HUWE1: variants seen among roughly 807,000 people sequenced by gnomAD.
HUWE1 encodes the protein E3 ubiquitin-protein ligase HUWE1.
HUWE1 carries 18 observed loss-of-function variants against 299.4 expected under a neutral mutation model. That is an observed-to-expected ratio of 0.06 (90% confidence interval 0.04 to 0.09). The LOEUF (loss-of-function observed/expected upper bound fraction) is 0.09, where lower values mean the gene tolerates loss of function less well. Ranked by LOEUF, HUWE1 falls within the 10% of genes least tolerant of loss-of-function variation. HUWE1 has a pLI of 1.00. For missense variants in HUWE1, 1,832 were observed against 3,462.3 expected, an observed-to-expected ratio of 0.53 and a Z score of 11.82; for synonymous variants, 1,317 against 1,286.1, an observed-to-expected ratio of 1.02 and a Z score of -0.51.
At chrX:53,566,098 T>G (rs1268848047) in intron 49 of HUWE1, among the ~76,000 whole-genome samples, 1 of 44,383 alleles carries the variant, frequency 2.3e-5, no homozygotes, top group African/African-American at 7.5e-5. Flanking sequence ...AGTCTATGTA[T>G]GTATGTATGT....
intron 77 of HUWE1, among the ~76,000 whole-genome samples, chrX:53,537,955 T>C (rs1556914618): frequency 9.0e-6 from 1 of 111,533 alleles, no homozygotes; most frequent in East Asian, 2.8e-4. Context: ...GGTAAGCATG[T>C]ATACATGCAC....
Position 53,538,969 on chromosome X carries a change from G to A in HUWE1, c.11744C>T (p.Pro3915Leu), listed in dbSNP as rs1556915940. The A allele has an allele frequency of 8.3e-7, 1 of 1,208,442 alleles. No homozygotes were observed. Residue 3915 changes from proline (P) to leucine (L), a missense_variant, in exon 76 of 84, where the codon CCT becomes CTT. Pro to Leu is a moderately conservative substitution (Grantham distance 98, BLOSUM62 -3). Around this residue, in one of 15 missense-constraint regions of HUWE1, gnomAD observed 129 missense variants for 439.4 expected, o/e 0.29. Coordinates refer to ENST00000262854, the MANE Select transcript of HUWE1 (RefSeq NM_031407.7). Reference sequence around the variant, plus strand: ...TAAGGGGGCAGGGGAGAGTGGAGGAGGCTCGTCCTTGATGTGTGCCAGCTG... The same window carrying A: ...TAAGGGGGCAGGGGAGAGTGGAGGAAGCTCGTCCTTGATGTGTGCCAGCTG... ...ESQLAHIKDE[P>L]PPLSPAPLTP...
intron 74 of HUWE1, among the ~76,000 whole-genome samples, chrX:53,542,186 A>C (rs782120946): frequency 9.9e-5 from 11 of 111,668 alleles, no homozygotes; most frequent in East Asian, 8.4e-4. Context: ...TCTCAAAAAC[A>C]ACCACCACAA....
Position 53,665,907 on chromosome X carries a change from G to A in HUWE1, c.-24-11776C>T, listed in dbSNP as rs1368621297. Among the ~76,000 whole-genome samples, 4 of 111,260 alleles carry A rather than the reference G, an allele frequency of 3.6e-5. No individual in the cohort carries two copies. In the South Asian group the frequency reaches 1.5e-3, roughly 43 times the overall value. On this transcript the variant is annotated intron_variant, in intron 3 of 83. Coordinates refer to ENST00000262854, the MANE Select transcript of HUWE1 (RefSeq NM_031407.7). ...AGCACTTTGGAAGCCTGAGGTGGGA[G>A]GATAAGCCTGAGGTGGGAGGATCAC...
chrX:53,599,692 A>G (rs181470445), intron 29 of HUWE1, among the ~76,000 whole-genome samples: 1 of 112,490 alleles, frequency 8.9e-6, no homozygotes, highest in African/African-American at 3.2e-5. Flanking sequence ...CCGAGAATCA[A>G]GATAGCTTAA....
intron 3 of HUWE1, among the ~76,000 whole-genome samples, chrX:53,669,889 A>T (rs1368268421): frequency 8.9e-6 from 1 of 112,462 alleles, no homozygotes; most frequent in Non-Finnish European, 1.9e-5. Context: ...ATACTTAACT[A>T]TAATGCTAAA....
chrX:53,533,242 T>C lies in HUWE1; in HGVS notation c.*67A>G. 1 of 694,802 alleles carries C rather than the reference T, an allele frequency of 1.4e-6. No individual in the cohort carries two copies. Among genetic ancestry groups the C allele is most frequent in the South Asian group, 2.4e-5 (1 of 42,413 alleles). The allele number at this position is 694,802 out of a possible 1,213,427, so 57.3% of individuals were successfully genotyped here. On this transcript the variant is annotated 3_prime_UTR_variant, in exon 84 of 84. Coordinates refer to ENST00000262854, the MANE Select transcript of HUWE1 (RefSeq NM_031407.7). The stretch of plus-strand genomic sequence containing the variant: ...TTTGACAATTTCTTTCTGGTTCTTT[T>C]TTTAACTCCCCCCTCCCCAGGTCCA...
chrX:53,652,048 G>A (rs2068507326), intron 4 of HUWE1, among the ~76,000 whole-genome samples: 1 of 111,819 alleles, frequency 8.9e-6, no homozygotes, highest in Non-Finnish European at 1.9e-5. Context: ...TTATCCAGAT[G>A]TCTATTTACA....
At chrX:53,579,033 G>A (rs1341053238) in intron 43 of HUWE1, among the ~76,000 whole-genome samples, 1 of 77,691 alleles carries the variant, frequency 1.3e-5, no homozygotes, top group Non-Finnish European at 2.5e-5. Context: ...GGGAGGCGGG[G>A]GGGGGGGTCG....
chrX:53,549,324 G>A lies in HUWE1; in HGVS notation c.9670C>T (p.Arg3224Cys), dbSNP rs61742919. The A allele has an allele frequency of 6.6e-6, 8 of 1,210,085 alleles. No individual in the cohort carries two copies. Among genetic ancestry groups the A allele is most frequent in the South Asian group, 3.5e-5 (2 of 56,809 alleles). ...YHAQTRHWVI[R>C]SLLSILQRSS... Reference sequence around the variant, plus strand: ...CGCTGCAAGATGGAGAGCAGACTGCGGATGACCCAGTGGCGGGTCTGGGCA... The same window carrying A: ...CGCTGCAAGATGGAGAGCAGACTGCAGATGACCCAGTGGCGGGTCTGGGCA... Residue 3224 changes from arginine (R) to cysteine (C), a missense_variant, in exon 67 of 84, where the codon CGC becomes TGC. Arg to Cys is a radical substitution (Grantham distance 180). This residue lies in a region of HUWE1 where 91 missense variants were observed against 281.2 expected (regional missense o/e 0.32). Coordinates refer to ENST00000262854, the MANE Select transcript of HUWE1 (RefSeq NM_031407.7).
chrX:53,604,377 T>A (rs2065048492), intron 26 of HUWE1, among the ~76,000 whole-genome samples: 1 of 111,797 alleles, frequency 8.9e-6, no homozygotes, highest in Non-Finnish European at 1.9e-5. Context: ...TAATAACATG[T>A]TTCGCTCTCA....
At chrX:53,534,753 C>G (rs1556910402) in intron 81 of HUWE1, 56 bp from the exon 82 acceptor site, 1 of 1,061,350 alleles carries the variant, frequency 9.4e-7, no homozygotes, top group African/African-American at 1.9e-5. Flanking sequence ...CCGTAGAGGT[C>G]AGAGATCCCC....
At chrX:53,608,676 T>G (rs3736424) in intron 24 of HUWE1, among the ~76,000 whole-genome samples, 176 bp downstream of exon 24, 1 of 112,171 alleles carries the variant, frequency 8.9e-6, no homozygotes, top group Admixed American at 9.4e-5. Context: ...GGGCTTGTGT[T>G]GGCTAATTTC....
At position 53,569,774 on chromosome X, in the gene HUWE1, A is replaced by T. The variant is rs782294446; in HGVS notation, c.6366T>A (p.Asn2122Lys). The T allele has an allele frequency of 8.2e-7, 1 of 1,212,267 alleles. No individual in the cohort carries two copies. The highest frequency in any genetic ancestry group is 3.0e-5 in the East Asian group (1 of 33,874). Reference sequence around the variant, plus strand: ...AGGCAGGGGTGTCCTTGTCTTCTGCATTCTGGGTATGTGGGAGCAGGTGGT... The same window carrying T: ...AGGCAGGGGTGTCCTTGTCTTCTGCTTTCTGGGTATGTGGGAGCAGGTGGT... ...VLDHLLPHTQ[N>K]AEDKDTPALA... is the part of the protein sequence containing the mutation. Residue 2122 changes from asparagine (N) to lysine (K), a missense_variant, in exon 48 of 84, where the codon AAT becomes AAA. Asn to Lys is a moderately conservative substitution (Grantham distance 94). This residue lies in a region of HUWE1 where 157 missense variants were observed against 252.3 expected (regional missense o/e 0.62). Transcript: ENST00000262854.
Position 53,647,482 on chromosome X carries a change from G to T in HUWE1, c.237C>A (p.Leu79=), listed in dbSNP as rs186948571. 8.3e-7 allele frequency: 1 copy of T among 1,203,789 alleles called. No individual in the cohort carries two copies. Among genetic ancestry groups the T allele is most frequent in the East Asian group, 3.0e-5 (1 of 33,743 alleles). Residue 79 remains leucine, a synonymous_variant, in exon 6 of 84, where the codon CTC becomes CTA. Transcript: ENST00000262854. ...GCTCTCTTTCTGGCCTATCACATACGAGCATCCATGACATATTCTCCACTG... is the reference window on the plus strand; with the variant it reads ...GCTCTCTTTCTGGCCTATCACATACTAGCATCCATGACATATTCTCCACTG... ...GQTVENMSWM[L]VCDRPEREQL... is the part of the protein sequence containing the mutation.
intron 54 of HUWE1, 76 bp from the exon 55 acceptor site, chrX:53,562,000 A>G (rs782490605): frequency 9.0e-5 from 109 of 1,209,271 alleles, no homozygotes; most frequent in Non-Finnish European, 1.2e-4. Context: ...CCACATGTGC[A>G]CATGAGGGAG....
At chrX:53,623,455 G>A (rs1387576162) in intron 19 of HUWE1, among the ~76,000 whole-genome samples, 3 of 112,038 alleles carry the variant, frequency 2.7e-5, no homozygotes, top group Non-Finnish European at 3.8e-5. Context: ...GCATGGTAGA[G>A]TTGCTACACC....
At chrX:53,534,240 C>A (rs1391062599) in intron 82 of HUWE1, 43 bp from the exon 83 acceptor site, 2 of 1,104,654 alleles carry the variant, frequency 1.8e-6, no homozygotes, top group Non-Finnish European at 2.5e-6. Flanking sequence ...GTAGAAAGCT[C>A]CTAGAAGCAG....
chrX:53,583,719 G>C lies in HUWE1; in HGVS notation c.5359C>G (p.Arg1787Gly), dbSNP rs782600084. The change falls in exon 42 of 84, where the codon CGG becomes GGG. Residue 1787 changes from arginine to glycine, a missense_variant. This residue lies in a region of HUWE1 where 50 missense variants were observed against 114.9 expected (regional missense o/e 0.44). Coordinates refer to ENST00000262854, the MANE Select transcript of HUWE1 (RefSeq NM_031407.7). ...AACATCATGGCATATTTGTGGTCCC[G>C]GGTGAGCCTCAGACAGAGACGAAGG... is the stretch of plus-strand genomic sequence containing the variant. ...ATLRLCLRLT[R>G]DHKYAMMFAE... 1 of 1,208,916 alleles carries C rather than the reference G, an allele frequency of 8.3e-7. No homozygotes were observed. Among genetic ancestry groups the C allele is most frequent in the Non-Finnish European group, 1.1e-6 (1 of 894,856 alleles).
Sources: allele counts gnomAD v4.1 joint callset (sites outside exome capture counted in the v4.1 genomes callset), GRCh38; gene constraint gnomAD v4.1.1; regional missense constraint gnomAD v4.1.1; transcripts MANE v1.5; gene names NCBI Gene and HGNC (gene_info 2026-07-23, HGNC 2026-07-21).